The following ROBO2 variants were observed in gnomAD, a reference collection of about 807,000 sequenced individuals.
ROBO2 encodes roundabout homolog 2.
Under a neutral mutation model 160.8 loss-of-function variants are expected in ROBO2, and 53 were observed. The ratio of observed to expected loss-of-function variants is 0.33; its 90% confidence interval spans 0.26 to 0.41. The LOEUF is 0.41. ROBO2 is among the 10% of genes least tolerant of loss of function. The pLI is 1.00. For missense variants in ROBO2, 1,577 were observed against 1,722.4 expected (o/e 0.92, Z 1.49); for synonymous variants, 664 against 611.7 (o/e 1.09, Z -1.26).
intron 2 of ROBO2, among the ~76,000 whole-genome samples, chr3:76,730,984 TTGTCCTCACCTCCTACTCCCTACCC>T (rs2093629305): frequency 3.8e-5 from 3 of 78,454 alleles, no homozygotes; most frequent in Non-Finnish European, 7.9e-5. Flanking sequence ...CCCTACCCGC[TTGTCCTCACCTCCTACTCCCTACCC>T]GCTTTTCCTC....
At chr3:76,014,481 G>A (rs2066336681) in intron 2 of ROBO2, among the ~76,000 whole-genome samples, 1 of 150,896 alleles carries the variant, frequency 6.6e-6, no homozygotes, top group African/African-American at 2.4e-5. Flanking sequence ...TGGCCTGGTG[G>A]CTTATGCGTG....
rs76349232 is a variant in ROBO2 at position 76,135,138 on chromosome 3, T to C, written c.109+197536T>C. On this transcript the variant is annotated intron_variant, in intron 2 of 26. Coordinates refer to the ROBO2 transcript ENST00000487694. ...AGAAGGAGTGTGTGGGGCAAGATTC[T>C]GGGATACACTTCAGTCCCCTTGCAT... Among the ~76,000 whole-genome samples the C allele has an allele frequency of 6.4e-3, 976 of 152,150 alleles. 13 individuals are homozygous for C. The highest frequency in any genetic ancestry group is 0.023 in the African/African-American group (947 of 41,534).
intron 5 of ROBO2, among the ~76,000 whole-genome samples, chr3:77,521,138 C>T (rs1188854755): frequency 3.3e-5 from 5 of 151,168 alleles, no homozygotes; most frequent in Non-Finnish European, 7.4e-5. Context: ...AAAGCTCACA[C>T]TCACTCCACG....
At chr3:76,841,905 T>G (rs986098262) in intron 2 of ROBO2, among the ~76,000 whole-genome samples, 2 of 152,312 alleles carry the variant, frequency 1.3e-5, no homozygotes, top group African/African-American at 4.8e-5. Flanking sequence ...AGGCGCAGTA[T>G]GTACCAGCTG....
intron 2 of ROBO2, among the ~76,000 whole-genome samples, chr3:76,865,497 A>T (rs1028810509): frequency 2.0e-5 from 3 of 152,062 alleles, no homozygotes; most frequent in Non-Finnish European, 4.4e-5. Context: ...GTACTGCTTT[A>T]CACCGTCACT....
At chr3:76,186,488 C>T (rs1353967410) in intron 2 of ROBO2, among the ~76,000 whole-genome samples, 1 of 147,476 alleles carries the variant, frequency 6.8e-6, no homozygotes, top group Admixed American at 6.9e-5. Flanking sequence ...AAAATGTCTT[C>T]CTTTCATCTT....
intron 2 of ROBO2, among the ~76,000 whole-genome samples, chr3:76,651,332 G>A (rs1048025024): frequency 2.0e-5 from 3 of 152,016 alleles, no homozygotes; most frequent in Non-Finnish European, 1.5e-5. Flanking sequence ...AACCATTGTT[G>A]TCCCTGTGAG....
intron 2 of ROBO2, among the ~76,000 whole-genome samples, chr3:77,407,714 T>C (rs1343573962): frequency 6.6e-6 from 1 of 152,206 alleles, no homozygotes; most frequent in East Asian, 1.9e-4. Flanking sequence ...TAAACCAAAC[T>C]ATGTTCGCAG....
At chr3:76,235,570 A>T (rs1429628295) in intron 2 of ROBO2, among the ~76,000 whole-genome samples, 1 of 152,154 alleles carries the variant, frequency 6.6e-6, no homozygotes, top group Non-Finnish European at 1.5e-5. Flanking sequence ...GTTCATTCTG[A>T]ATTAGTATTG....
Position 76,745,143 on chromosome 3 carries a change from G to A in ROBO2, c.110-352871G>A, listed in dbSNP as rs150629231. On this transcript the variant is annotated intron_variant, in intron 2 of 26. Coordinates refer to the ROBO2 transcript ENST00000487694. ...TCTTTTTGCTATTAATTTTATTTGC[G>A]TATTAACAAGTTAAAGTGGCATTTT... 2.3e-3 allele frequency among the ~76,000 whole-genome samples: 343 copies of A among 152,144 alleles called. 1 individual carries two copies. The highest frequency in any genetic ancestry group is 7.6e-3 in the African/African-American group (317 of 41,512).
chr3:76,690,603 AAC>A (rs1433110006), intron 2 of ROBO2, among the ~76,000 whole-genome samples: 1 of 152,092 alleles, frequency 6.6e-6, no homozygotes, highest in African/African-American at 2.4e-5. Context: ...TTGTTACAGC[AAC>A]ACAGACTAAG....
At chr3:76,467,344 CA>C (rs1388525890) in intron 2 of ROBO2, among the ~76,000 whole-genome samples, 2 of 152,004 alleles carry the variant, frequency 1.3e-5, no homozygotes, top group African/African-American at 4.8e-5. Flanking sequence ...GCTAAGAAAA[CA>C]AGATTTAGCT....
At chr3:76,284,127 G>T (rs1708388314) in intron 2 of ROBO2, among the ~76,000 whole-genome samples, 1 of 151,808 alleles carries the variant, frequency 6.6e-6, no homozygotes, top group Non-Finnish European at 1.5e-5. Flanking sequence ...AAAAAATATA[G>T]ATGTATAGGT....
At chr3:76,242,242 T>G (rs1250979310) in intron 2 of ROBO2, among the ~76,000 whole-genome samples, 1 of 151,928 alleles carries the variant, frequency 6.6e-6, no homozygotes, top group Non-Finnish European at 1.5e-5. Flanking sequence ...TATGGATCTG[T>G]GCACTCTTGG....
intron 2 of ROBO2, among the ~76,000 whole-genome samples, chr3:77,395,535 A>C (rs1211508853): frequency 6.6e-6 from 1 of 152,094 alleles, no homozygotes; most frequent in African/African-American, 2.4e-5. Flanking sequence ...TGTATTTTAG[A>C]TGTGTTTGGA....
intron 11 of ROBO2, among the ~76,000 whole-genome samples, chr3:77,563,688 AT>A (rs1407668597): frequency 2.0e-5 from 3 of 152,114 alleles, no homozygotes; most frequent in Non-Finnish European, 4.4e-5. Flanking sequence ...TTTTAAAGTT[AT>A]GTGACATTTA....
intron 2 of ROBO2, among the ~76,000 whole-genome samples, chr3:76,950,390 A>C (rs779104925): frequency 1.3e-5 from 2 of 152,246 alleles, no homozygotes; most frequent in East Asian, 3.9e-4. Context: ...CTCAATTCAG[A>C]TGGAGTGACA....
chr3:76,457,336 C>A (rs527251314), intron 2 of ROBO2, among the ~76,000 whole-genome samples: 1 of 152,168 alleles, frequency 6.6e-6, no homozygotes, highest in Admixed American at 6.5e-5. Context: ...CACGCAAGTC[C>A]GAAATCCAGC....
At chr3:77,025,171 T>G (rs368751794) in intron 2 of ROBO2, among the ~76,000 whole-genome samples, 23 of 152,308 alleles carry the variant, frequency 1.5e-4, no homozygotes, top group African/African-American at 4.6e-4. Flanking sequence ...AAAACGTTAT[T>G]TCTTTCAATT....
Sources: gnomAD v4.1 joint callset for allele counts (sites outside exome capture counted in the v4.1 genomes callset) on GRCh38, gnomAD v4.1.1 for gene constraint, MANE v1.5 for transcripts, NCBI Gene and HGNC (gene_info 2026-07-23, HGNC 2026-07-21) for gene names.